The following ABI3 variants were observed in gnomAD, a reference collection of about 807,000 sequenced individuals.
The protein encoded by ABI3 is ABI gene family member 3.
Under a neutral mutation model 37.0 loss-of-function variants are expected in ABI3, and 24 were observed. The ratio of observed to expected loss-of-function variants is 0.65; its 90% CI spans 0.47 to 0.91. The LOEUF is 0.91. Among genes scored for constraint, ABI3 ranks in the 40% least tolerant of loss-of-function variants. The pLI, the probability that ABI3 is intolerant of heterozygous loss-of-function variation, is 0.00. For missense variants in ABI3, 481 were observed against 485.1 expected, an observed-to-expected ratio of 0.99 and a Z score of 0.08; for synonymous variants, 220 against 211.8, an observed-to-expected ratio of 1.04 and a Z score of -0.34.
chr17:49,218,259 A>G (rs1321308582), intron 3 of ABI3, among the ~76,000 whole-genome samples: 1 of 152,186 alleles, frequency 6.6e-6, no homozygotes, highest in Non-Finnish European at 1.5e-5. Flanking sequence ...GCCACATGAG[A>G]ACAGCAACTT....
Position 49,210,929 on chromosome 17 carries a change from T to A in ABI3, c.117+88T>A. 9.4e-7 allele frequency: 1 copy of A among 1,058,634 alleles called. No homozygotes were observed. Among genetic ancestry groups the A allele is most frequent in the Non-Finnish European group, 1.4e-6 (1 of 727,796 alleles). The allele number at this position is 1,058,634 out of a possible 1,614,324, so 65.6% of individuals were successfully genotyped here. On this transcript the variant is annotated intron_variant, in intron 1 of 7. Coordinates refer to ENST00000225941, the MANE Select transcript of ABI3 (RefSeq NM_016428.3). This position sits in a 1 kb window ranked among gnomAD's most constrained non-coding sequence, Gnocchi z 4.2. The stretch of plus-strand genomic sequence containing the variant: ...CCAAGTGGGGCCCTGGGACCCATCC[T>A]GACAGTGCTTGTCCTGGGCCTTGGC...
rs753766777 is a variant in ABI3 at position 49,219,642 on chromosome 17, A to T, written c.548+17A>T. On this transcript the variant is annotated intron_variant, in intron 4 of 7. Transcript: ENST00000225941. The surrounding 1 kb of genome is among the most constrained non-coding windows in gnomAD (Gnocchi z 4.3). ...CACCTTGGGGTGAGGCCTCGCCGCG[A>T]CGCCAACTAGCCTAGCCCTGCCCCG... 80 of 1,586,356 alleles carry T rather than the reference A, an allele frequency of 5.0e-5. No homozygotes were observed. In the Admixed American group the frequency reaches 1.4e-3, roughly 28 times the overall value.
At chr17:49,220,409 T>C in intron 6 of ABI3, 83 bp downstream of exon 6, 2 of 1,482,696 alleles carry the variant, frequency 1.3e-6, no homozygotes, top group Non-Finnish European at 1.8e-6. Flanking sequence ...CTCTTGGATC[T>C]GCCCCGGCCA....
chr17:49,212,180 C>T (rs1409682644), intron 1 of ABI3, among the ~76,000 whole-genome samples: 1 of 152,120 alleles, frequency 6.6e-6, no homozygotes, highest in Non-Finnish European at 1.5e-5. Flanking sequence ...TCTTGAACTC[C>T]TGGCCTCAAG....
At chr17:49,212,548 G>C (rs2043179352) in intron 1 of ABI3, among the ~76,000 whole-genome samples, 1 of 152,232 alleles carries the variant, frequency 6.6e-6, no homozygotes, top group Non-Finnish European at 1.5e-5. Flanking sequence ...AGTAATGACA[G>C]CAGTTAAAAT....
At position 49,214,435 on chromosome 17, in the gene ABI3, G is replaced by A. The variant is rs540254389; in HGVS notation, c.118-2096G>A. ...ACAAAAAAAAATTTCTTGGCCAGGC[G>A]CAGTGGCTCACGCCTGTAATCCCAG... is the stretch of plus-strand genomic sequence containing the variant. On this transcript the variant is annotated intron_variant, in intron 1 of 7. Transcript: ENST00000225941. Among the ~76,000 whole-genome samples, 228 of 152,318 alleles carry A rather than the reference G, an allele frequency of 1.5e-3. 2 individuals are homozygous for A. Among genetic ancestry groups the A allele is most frequent in the African/African-American group, 5.1e-3 (212 of 41,580 alleles).
At position 49,220,234 on chromosome 17, in the gene ABI3, TC is replaced by T; in HGVS notation, c.714del (p.Ser239AlafsTer76). The T allele has an allele frequency of 6.2e-7, 1 of 1,611,550 alleles. No homozygotes were observed. Among genetic ancestry groups the T allele is most frequent in the Non-Finnish European group, 8.5e-7 (1 of 1,179,544 alleles). ...CAGGCAGCACCTCCAGCCCCACCTC[TC>T]CCCAGCTCCTTGGACCCACCTCCTC... Reference protein sequence around the residue: ...KGQAAPPAPPLPSSLDPPPPP... With the variant: ...KGQAAPPAPPXPSSLDPPPPP... On this transcript the variant is annotated frameshift_variant, in exon 6 of 8. Coordinates refer to ENST00000225941, the MANE Select transcript of ABI3 (RefSeq NM_016428.3). LOFTEE classifies it high-confidence loss of function.
In ABI3 at chr17:49,219,649, C is replaced by T. The variant is rs2043258888; in HGVS notation, c.548+24C>T. 6.4e-7 allele frequency: 1 copy of T among 1,574,618 alleles called. No individual in the cohort carries two copies. The highest frequency in any genetic ancestry group is 1.3e-5 in the African/African-American group (1 of 74,212). The stretch of plus-strand genomic sequence containing the variant: ...GGGTGAGGCCTCGCCGCGACGCCAA[C>T]TAGCCTAGCCCTGCCCCGCGCGACC... On this transcript the variant is annotated intron_variant, in intron 4 of 7. Transcript: ENST00000225941. The surrounding 1 kb of genome is among the most constrained non-coding windows in gnomAD (Gnocchi z 4.3).
intron 1 of ABI3, among the ~76,000 whole-genome samples, chr17:49,213,010 G>A (rs866013429): frequency 5.9e-5 from 9 of 152,186 alleles, no homozygotes; most frequent in South Asian, 4.1e-4. Flanking sequence ...ATTTGGGGTC[G>A]CAAAGACCTA....
chr17:49,220,198 C>T lies in ABI3; in HGVS notation c.674C>T (p.Thr225Met), dbSNP rs764364159. The T allele has an allele frequency of 6.2e-7, 1 of 1,612,292 alleles. No homozygotes were observed. Among genetic ancestry groups the T allele is most frequent in the Non-Finnish European group, 8.5e-7 (1 of 1,179,962 alleles). Reference sequence around the variant, plus strand: ...GCCGAAGGTGTCGGTGGGGCCCCCACGCCCAAGGGGCAGGCAGCACCTCCA... The same window carrying T: ...GCCGAAGGTGTCGGTGGGGCCCCCATGCCCAAGGGGCAGGCAGCACCTCCA... Reference protein sequence around the residue: ...GSAEGVGGAPTPKGQAAPPAP... With the variant: ...GSAEGVGGAPMPKGQAAPPAP... Residue 225 changes from threonine to methionine, a missense_variant, in exon 6 of 8, where the codon ACG (threonine) becomes ATG (methionine). Physicochemically the swap from Thr to Met is moderately conservative, Grantham distance 81 (BLOSUM62 -1). Coordinates refer to ENST00000225941, the MANE Select transcript of ABI3 (RefSeq NM_016428.3).
At chr17:49,211,167 C>T (rs1306886158) in intron 1 of ABI3, among the ~76,000 whole-genome samples, 1 of 152,200 alleles carries the variant, frequency 6.6e-6, no homozygotes, top group South Asian at 2.1e-4. Flanking sequence ...CCAAAGCCTC[C>T]GTCCTCACAC....
At chr17:49,217,645 C>T (rs945980985) in intron 2 of ABI3, 94 bp from the exon 3 acceptor site, 5 of 1,214,502 alleles carry the variant, frequency 4.1e-6, no homozygotes, top group South Asian at 1.5e-5. Context: ...GGCTGCCTCC[C>T]CCCCCCAGCC....
At chr17:49,214,985 G>A (rs1034644044) in intron 1 of ABI3, among the ~76,000 whole-genome samples, 11 of 152,200 alleles carry the variant, frequency 7.2e-5, no homozygotes, top group African/African-American at 2.7e-4. Flanking sequence ...TTAAGGCAAG[G>A]GGGCGTAGAT....
At position 49,219,666 on chromosome 17, in the gene ABI3, C is replaced by G. The variant is rs371009346; in HGVS notation, c.548+41C>G. Reference sequence around the variant, plus strand: ...GACGCCAACTAGCCTAGCCCTGCCCCGCGCGACCCTGAAACTCTCCTCCCC... The same window carrying G: ...GACGCCAACTAGCCTAGCCCTGCCCGGCGCGACCCTGAAACTCTCCTCCCC... On this transcript the variant is annotated intron_variant, in intron 4 of 7. Coordinates refer to ENST00000225941, the MANE Select transcript of ABI3 (RefSeq NM_016428.3). This position sits in a 1 kb window ranked among gnomAD's most constrained non-coding sequence, Gnocchi z 4.3. The G allele has an allele frequency of 6.5e-7, 1 of 1,538,846 alleles. No homozygotes were observed. Among genetic ancestry groups the G allele is most frequent in the Non-Finnish European group, 8.8e-7 (1 of 1,131,978 alleles).
chr17:49,213,953 A>G (rs1265898751), intron 1 of ABI3, among the ~76,000 whole-genome samples: 1 of 152,204 alleles, frequency 6.6e-6, no homozygotes, highest in African/African-American at 2.4e-5. Flanking sequence ...TGCCTATTCA[A>G]TCTTCTTGGT....
intron 1 of ABI3, among the ~76,000 whole-genome samples, chr17:49,214,639 G>A (rs1377839713): frequency 6.6e-6 from 1 of 152,214 alleles, no homozygotes; most frequent in Non-Finnish European, 1.5e-5. Context: ...GAACCCAGGA[G>A]GCGGAGGTTG....
Position 49,217,902 on chromosome 17 carries a change from G to C in ABI3, c.449G>C (p.Gly150Ala). 1 of 1,564,984 alleles carries C rather than the reference G, an allele frequency of 6.4e-7. No homozygotes were observed. The highest frequency in any genetic ancestry group is 1.7e-4 in the Middle Eastern group (1 of 5,898). The change falls in exon 3 of 8, where the codon GGC becomes GCC. Residue 150 changes from glycine (G) to alanine (A), a missense_variant. Gly to Ala is a moderately conservative substitution (Grantham distance 60). Transcript: ENST00000225941. ...PLNFGCLDDIGHGIKDLSTQL... is the reference protein window; with the variant it reads ...PLNFGCLDDIAHGIKDLSTQL... ...AACTTTGGCTGCCTGGACGACATTG[G>C]CCATGGGATCAAGGTAGAGAGAGGG...
chr17:49,217,650 C>G (rs899621873), intron 2 of ABI3, 89 bp from the exon 3 acceptor site: 45 of 1,295,102 alleles, frequency 3.5e-5, no homozygotes, highest in Middle Eastern at 2.0e-4. Context: ...CCTCCCCCCC[C>G]CAGCCCAGTC....
At chr17:49,218,185 G>C (rs149464380) in intron 3 of ABI3, among the ~76,000 whole-genome samples, 1 of 152,212 alleles carries the variant, frequency 6.6e-6, no homozygotes. Flanking sequence ...TGTGGGCACC[G>C]GGCGTGTGGG....
Sources: gnomAD v4.1 joint callset for allele counts (sites outside exome capture counted in the v4.1 genomes callset) on GRCh38, gnomAD v4.1.1 for gene constraint, Gnocchi (gnomAD v3.1) non-coding constraint, MANE v1.5 for transcripts, NCBI Gene and HGNC (gene_info 2026-07-23, HGNC 2026-07-21) for gene names.